The following CTNND2 variants were observed in gnomAD, a reference collection of about 807,000 sequenced individuals.
CTNND2 encodes catenin delta-2.
Under a neutral mutation model 144.4 loss-of-function variants are expected in CTNND2, and 22 were observed. That is an observed-to-expected ratio of 0.15 (90% CI 0.11 to 0.22). The LOEUF is 0.22. Ranked by LOEUF, CTNND2 falls within the 10% of genes least tolerant of loss-of-function variation. CTNND2 has a pLI of 1.00. For missense variants in CTNND2, 1,353 were observed against 1,618.8 expected, an observed-to-expected ratio of 0.84 and a Z score of 2.82; for synonymous variants, 751 against 695.6, an observed-to-expected ratio of 1.08 and a Z score of -1.25.
chr5:11,683,102 C>T (rs556305067), intron 2 of CTNND2, among the ~76,000 whole-genome samples: 5 of 152,184 alleles, frequency 3.3e-5, no homozygotes, highest in Non-Finnish European at 7.4e-5. Flanking sequence ...GTTCAGTTTG[C>T]ACTGCTAATT....
chr5:11,823,772 A>G (rs114278135), intron 1 of CTNND2, among the ~76,000 whole-genome samples: 106 of 152,232 alleles, frequency 7.0e-4, no homozygotes, highest in African/African-American at 2.5e-3. Context: ...GGAAATATGA[A>G]TTTTATCCAG....
At chr5:11,391,546 C>A (rs776644509) in intron 6 of CTNND2, among the ~76,000 whole-genome samples, 3 of 152,206 alleles carry the variant, frequency 2.0e-5, no homozygotes, top group Non-Finnish European at 2.9e-5. Context: ...AGCATGCACA[C>A]CATTGCTCAA....
intron 1 of CTNND2, among the ~76,000 whole-genome samples, chr5:11,814,937 T>C (rs1420268202): frequency 6.6e-6 from 1 of 152,236 alleles, no homozygotes; most frequent in Non-Finnish European, 1.5e-5. Context: ...GCAGATTTAA[T>C]AGTTTCATAT....
intron 16 of CTNND2, among the ~76,000 whole-genome samples, chr5:11,059,383 C>T (rs2149592631): frequency 6.6e-6 from 1 of 152,326 alleles, no homozygotes; most frequent in South Asian, 2.1e-4. Context: ...CTCCCCTGCA[C>T]AAACTCTCTC....
chr5:11,329,186 T>A lies in CTNND2; in HGVS notation c.1628+17186A>T, dbSNP rs559130907. On this transcript the variant is annotated intron_variant, in intron 9 of 21. Coordinates refer to ENST00000304623, the MANE Select transcript of CTNND2 (RefSeq NM_001332.4). Reference sequence around the variant, plus strand: ...TTTAAAATTTTTTGAGACAGAGTCTTGCTCTGTCACCCAGGCTGGAGTATA... The same window carrying A: ...TTTAAAATTTTTTGAGACAGAGTCTAGCTCTGTCACCCAGGCTGGAGTATA... Among the ~76,000 whole-genome samples, 6 of 152,234 alleles carry A rather than the reference T, an allele frequency of 3.9e-5. No homozygotes were observed. The South Asian group carries it at 1.2e-3, about 32-fold the overall frequency.
At chr5:11,228,711 C>G (rs1284091953) in intron 10 of CTNND2, among the ~76,000 whole-genome samples, 1 of 151,978 alleles carries the variant, frequency 6.6e-6, no homozygotes, top group East Asian at 1.9e-4. Flanking sequence ...GTCTCCTGAG[C>G]TTAAGCAATC....
At chr5:11,142,759 G>A (rs868766784) in intron 12 of CTNND2, among the ~76,000 whole-genome samples, 7 of 151,838 alleles carry the variant, frequency 4.6e-5, no homozygotes, top group South Asian at 2.1e-4. Flanking sequence ...GACTACAGGC[G>A]CGCGCCACCA....
chr5:11,076,211 G>A (rs1359080380), intron 16 of CTNND2, among the ~76,000 whole-genome samples: 1 of 152,164 alleles, frequency 6.6e-6, no homozygotes, highest in African/African-American at 2.4e-5. Flanking sequence ...GCCCACTTCA[G>A]CTCTGGGTGC....
chr5:11,490,937 G>A (rs1581324234), intron 3 of CTNND2, among the ~76,000 whole-genome samples: 1 of 152,238 alleles, frequency 6.6e-6, no homozygotes, highest in Middle Eastern at 3.4e-3. Flanking sequence ...ACAGCGAGAC[G>A]TGATTACACC....
intron 6 of CTNND2, among the ~76,000 whole-genome samples, chr5:11,394,905 GA>G (rs1002758526): frequency 2.6e-5 from 4 of 151,778 alleles, no homozygotes; most frequent in Admixed American, 2.6e-4. Context: ...TAGTTTTTTA[GA>G]AAAAAAATAG....
At chr5:11,884,921 A>G (rs1230296834) in intron 1 of CTNND2, among the ~76,000 whole-genome samples, 2 of 143,776 alleles carry the variant, frequency 1.4e-5, no homozygotes, top group African/African-American at 2.4e-5. Context: ...AGATAATCAT[A>G]TAGTGTTTTG....
rs142888934 is a variant in CTNND2, at chr5:11,882,109, G to T, written c.37+21708C>A. On this transcript the variant is annotated intron_variant, in intron 1 of 21. Transcript: ENST00000304623. ...GCTGTTGAGATTCTTATATATTCTGGATATTTACTCCTTGCCAGATGGATA... is the reference window on the plus strand; with the variant it reads ...GCTGTTGAGATTCTTATATATTCTGTATATTTACTCCTTGCCAGATGGATA... 2.9e-3 allele frequency among the ~76,000 whole-genome samples: 438 copies of T among 151,726 alleles called. 3 individuals are homozygous for T. Among genetic ancestry groups the T allele is most frequent in the African/African-American group, 9.9e-3 (410 of 41,378 alleles).
intron 9 of CTNND2, among the ~76,000 whole-genome samples, chr5:11,250,491 C>CTCTCTCTATATATATATATA (rs869141186): frequency 1.3e-3 from 81 of 64,082 alleles, no homozygotes; most frequent in Middle Eastern, 0.012. Flanking sequence ...CTCTCTCTCT[C>CTCTCTCTATATATATATATA]TATATATATA....
At chr5:11,390,601 C>T (rs534632799) in intron 6 of CTNND2, among the ~76,000 whole-genome samples, 147 of 152,288 alleles carry the variant, frequency 9.7e-4, no homozygotes, top group African/African-American at 3.5e-3. Flanking sequence ...ATGAGCGGTC[C>T]TGTGAAGATG....
chr5:11,615,378 AT>A (rs1345304561), intron 2 of CTNND2, among the ~76,000 whole-genome samples: 3 of 152,142 alleles, frequency 2.0e-5, no homozygotes, highest in East Asian at 1.9e-4. Flanking sequence ...AATATAAAGT[AT>A]TTTCCCCTAT....
chr5:11,892,316 T>C (rs1737037867), intron 1 of CTNND2, among the ~76,000 whole-genome samples: 1 of 152,184 alleles, frequency 6.6e-6, no homozygotes. Flanking sequence ...TCTCGATGCC[T>C]TCTAATCAAT....
intron 2 of CTNND2, among the ~76,000 whole-genome samples, chr5:11,709,084 C>T (rs1046998919): frequency 2.0e-5 from 3 of 152,068 alleles, no homozygotes; most frequent in Admixed American, 1.3e-4. Context: ...GGCAGTGCAT[C>T]GACTGTTCCC....
At chr5:11,712,057 C>T (rs1389958713) in intron 2 of CTNND2, among the ~76,000 whole-genome samples, 1 of 152,094 alleles carries the variant, frequency 6.6e-6, no homozygotes, top group African/African-American at 2.4e-5. Flanking sequence ...CTTTGCTTTC[C>T]CTATTTCTTT....
intron 2 of CTNND2, among the ~76,000 whole-genome samples, chr5:11,688,037 G>A (rs2126641893): frequency 6.6e-6 from 1 of 152,294 alleles, no homozygotes; most frequent in South Asian, 2.1e-4. Flanking sequence ...GCCTGGGCGA[G>A]TGATAATGAA....
Sources: gnomAD v4.1 joint callset for allele counts (sites outside exome capture counted in the v4.1 genomes callset) on GRCh38, gnomAD v4.1.1 for gene constraint, MANE v1.5 for transcripts, NCBI Gene and HGNC (gene_info 2026-07-23, HGNC 2026-07-21) for gene names.